Variants in ANKS1B observed in about 807,000 individuals in gnomAD.
ANKS1B encodes ankyrin repeat and sterile alpha motif domain containing 1B.
A neutral mutation model predicts 148.3 loss-of-function variants in ANKS1B; 36 were observed. That is an observed-to-expected ratio of 0.24 (90% confidence interval 0.19 to 0.32). The LOEUF (loss-of-function observed/expected upper bound fraction) is 0.32, where lower values mean the gene tolerates loss of function less well. Among genes scored for constraint, ANKS1B ranks in the 10% least tolerant of loss-of-function variants. The pLI is 1.00. For synonymous variants in ANKS1B, 542 were observed against 560.8 expected (o/e 0.97, Z 0.47); for missense variants, 1,157 against 1,542.6 (o/e 0.75, Z 4.19).
At chr12:99,465,910 C>A (rs969616681) in intron 10 of ANKS1B, among the ~76,000 whole-genome samples, 2 of 152,110 alleles carry the variant, frequency 1.3e-5, no homozygotes, top group African/African-American at 4.8e-5. Flanking sequence ...CAAGAATACC[C>A]AGGAATTGAA....
At chr12:99,943,105 G>A (rs1357744891) in intron 1 of ANKS1B, among the ~76,000 whole-genome samples, 1 of 152,172 alleles carries the variant, frequency 6.6e-6, no homozygotes, top group Non-Finnish European at 1.5e-5. Flanking sequence ...CACTTGTGCT[G>A]AAGGCAACAT....
chr12:99,010,860 C>T (rs946121993), intron 17 of ANKS1B, among the ~76,000 whole-genome samples: 4 of 149,306 alleles, frequency 2.7e-5, no homozygotes, highest in Admixed American at 1.3e-4. Context: ...TCAGGTGACC[C>T]TCCCACTTTC....
At chr12:98,896,516 CCT>C (rs1386442856) in intron 17 of ANKS1B, among the ~76,000 whole-genome samples, 2 of 152,096 alleles carry the variant, frequency 1.3e-5, no homozygotes, top group Non-Finnish European at 2.9e-5. Context: ...CTCTAAATGC[CCT>C]CTGTTTTGTC....
intron 8 of ANKS1B, among the ~76,000 whole-genome samples, chr12:99,667,566 T>C (rs970536523): frequency 7.2e-5 from 11 of 152,206 alleles, no homozygotes; most frequent in Admixed American, 1.3e-4. Context: ...TTAAAATCTT[T>C]ATGCCTTTAT....
chr12:99,949,343 AAGG>A (rs1305525155), intron 1 of ANKS1B, among the ~76,000 whole-genome samples: 1 of 152,176 alleles, frequency 6.6e-6, no homozygotes, highest in East Asian at 1.9e-4. Context: ...GATGGCAAAG[AAGG>A]AGAACATTTC....
chr12:98,879,589 GT>G (rs1001723269), intron 17 of ANKS1B, among the ~76,000 whole-genome samples: 17 of 151,798 alleles, frequency 1.1e-4, no homozygotes, highest in African/African-American at 3.4e-4. Context: ...CTTGCTTCTT[GT>G]TTTTTTTCCC....
At chr12:98,785,545 G>C (rs2098784535) in intron 22 of ANKS1B, among the ~76,000 whole-genome samples, 1 of 152,166 alleles carries the variant, frequency 6.6e-6, no homozygotes, top group Non-Finnish European at 1.5e-5. Context: ...TAATCTGGGA[G>C]GCAAGAAATC....
rs1005318545 is a variant in ANKS1B at position 99,452,799 on chromosome 12, C to T, written c.1439-8990G>A. 8.5e-5 allele frequency among the ~76,000 whole-genome samples: 13 copies of T among 152,180 alleles called. No individual in the cohort carries two copies. In the South Asian group the frequency reaches 1.9e-3, roughly 22 times the overall value. Reference sequence around the variant, plus strand: ...AAAGTAACAATTCTCTTAAATATACCGGGTTTGAACTTCCATTACTATCAC... The same window carrying T: ...AAAGTAACAATTCTCTTAAATATACTGGGTTTGAACTTCCATTACTATCAC... On this transcript the variant is annotated intron_variant, in intron 10 of 26. Transcript: ENST00000683438.
At chr12:99,953,957 T>C (rs1003695628) in intron 1 of ANKS1B, among the ~76,000 whole-genome samples, 1 of 152,150 alleles carries the variant, frequency 6.6e-6, no homozygotes, top group South Asian at 2.1e-4. Context: ...GTAAATGTAA[T>C]AGGGGGTTTG....
chr12:98,825,584 T>C (rs2099242115), intron 19 of ANKS1B, among the ~76,000 whole-genome samples: 1 of 152,216 alleles, frequency 6.6e-6, no homozygotes, highest in Non-Finnish European at 1.5e-5. Flanking sequence ...ATACAAGTAC[T>C]ATTTCATTTT....
At chr12:99,102,285 G>C (rs1486505552) in intron 15 of ANKS1B, among the ~76,000 whole-genome samples, 1 of 152,186 alleles carries the variant, frequency 6.6e-6, no homozygotes, top group African/African-American at 2.4e-5. Context: ...CCAGATTAGA[G>C]GATTGTGAGA....
chr12:99,277,801 C>T (rs2077872251), intron 12 of ANKS1B, among the ~76,000 whole-genome samples: 1 of 152,194 alleles, frequency 6.6e-6, no homozygotes, highest in African/African-American at 2.4e-5. Flanking sequence ...AGGTTGAATA[C>T]ACATTTATGG....
chr12:98,754,966 T>A (rs2098195886), intron 25 of ANKS1B, among the ~76,000 whole-genome samples: 1 of 152,192 alleles, frequency 6.6e-6, no homozygotes. Context: ...CTTTTGTGAT[T>A]ATGTATAGTA....
intron 12 of ANKS1B, among the ~76,000 whole-genome samples, chr12:99,349,558 G>T (rs926783712): frequency 2.0e-5 from 3 of 151,878 alleles, no homozygotes; most frequent in African/African-American, 7.2e-5. Context: ...AATGTACTAA[G>T]TCAAAAGTTG....
chr12:99,017,643 C>T (rs1389811563), intron 17 of ANKS1B, among the ~76,000 whole-genome samples: 3 of 152,144 alleles, frequency 2.0e-5, no homozygotes. Context: ...GCACCCATTC[C>T]CTAGCCCCCT....
chr12:99,836,805 A>C (rs1317227285), intron 1 of ANKS1B, among the ~76,000 whole-genome samples: 1 of 152,180 alleles, frequency 6.6e-6, no homozygotes, highest in Non-Finnish European at 1.5e-5. Flanking sequence ...ATAAACCAGC[A>C]GACAAGGCAG....
intron 15 of ANKS1B, among the ~76,000 whole-genome samples, chr12:99,106,818 C>A (rs923509282): frequency 6.6e-6 from 1 of 152,130 alleles, no homozygotes. Flanking sequence ...AATTTGGTTA[C>A]GAATTGATAA....
chr12:99,365,733 G>A (rs1388885952), intron 12 of ANKS1B, among the ~76,000 whole-genome samples: 1 of 152,084 alleles, frequency 6.6e-6, no homozygotes, highest in Non-Finnish European at 1.5e-5. Context: ...GGAGTCAGAA[G>A]CAACTTAGCG....
chr12:99,374,960 T>C (rs1271203608), intron 12 of ANKS1B, among the ~76,000 whole-genome samples: 1 of 152,216 alleles, frequency 6.6e-6, no homozygotes, highest in African/African-American at 2.4e-5. Flanking sequence ...AAAGTAAATT[T>C]TCTGTTGTAA....
Sources: allele counts gnomAD v4.1 joint callset (sites outside exome capture counted in the v4.1 genomes callset), GRCh38; gene constraint gnomAD v4.1.1; transcripts MANE v1.5; gene names NCBI Gene and HGNC (gene_info 2026-07-23, HGNC 2026-07-21).